Variants in ARHGEF2 observed in about 807,000 individuals in gnomAD.
ARHGEF2 encodes the protein Rho/Rac guanine nucleotide exchange factor 2.
A neutral mutation model predicts 121.0 loss-of-function variants in ARHGEF2; 22 were observed. The observed-to-expected ratio is 0.18, with a 90% CI of 0.13 to 0.26. ARHGEF2 has a LOEUF of 0.26. Ranked by LOEUF, ARHGEF2 falls within the 10% of genes least tolerant of loss-of-function variation. The pLI, the probability that ARHGEF2 is intolerant of heterozygous loss-of-function variation, is 1.00. For missense variants in ARHGEF2, 907 were observed against 1,336.0 expected, an observed-to-expected ratio of 0.68 and a Z score of 5.01; for synonymous variants, 487 against 530.0, an observed-to-expected ratio of 0.92 and a Z score of 1.11.
At chr1:155,957,304 G>A (rs561000002) in intron 13 of ARHGEF2, among the ~76,000 whole-genome samples, 20 of 152,158 alleles carry the variant, frequency 1.3e-4, no homozygotes, top group Non-Finnish European at 2.6e-4. Context: ...TTCCTCTCTA[G>A]TATCGATGCT....
chr1:155,962,558 G>A lies in ARHGEF2; in HGVS notation c.1101+35C>T, dbSNP rs759599786. On this transcript the variant is annotated intron_variant, in intron 9 of 21. Transcript: ENST00000361247. The surrounding 1 kb of genome is among the most constrained non-coding windows in gnomAD (Gnocchi z 5.8). ...CCATGAGTTGGGGAGGGTGGGTTTG[G>A]GCCATGAGCATGGGATCTGGAGAGG... is the stretch of plus-strand genomic sequence containing the variant. 1 of 1,610,280 alleles carries A rather than the reference G, an allele frequency of 6.2e-7. No homozygotes were observed. Among genetic ancestry groups the A allele is most frequent in the Non-Finnish European group, 8.5e-7 (1 of 1,178,832 alleles).
Position 155,950,526 on chromosome 1 carries a change from A to T in ARHGEF2, c.2704-44T>A. ...AAGAACAGCAGGTCAGGGACTGAGT[A>T]GTGTGAAGATTGGAGGTTCTGCTTG... is the stretch of plus-strand genomic sequence containing the variant. On this transcript the variant is annotated intron_variant, in intron 20 of 21. Coordinates refer to ENST00000361247, the MANE Select transcript of ARHGEF2 (RefSeq NM_001162383.2). This position sits in a 1 kb window ranked among gnomAD's most constrained non-coding sequence, Gnocchi z 5.2. 2 of 1,591,102 alleles carry T rather than the reference A, an allele frequency of 1.3e-6. No individual in the cohort carries two copies. The highest frequency in any genetic ancestry group is 2.7e-5 in the African/African-American group (2 of 74,656).
chr1:155,978,335 C>A lies in ARHGEF2; in HGVS notation c.63+30G>T, dbSNP rs1388549990. The A allele has an allele frequency of 6.7e-7, 1 of 1,491,554 alleles. No individual in the cohort carries two copies. The highest frequency in any genetic ancestry group is 9.0e-7 in the Non-Finnish European group (1 of 1,106,450). The allele number at this position is 1,491,554 out of a possible 1,614,324, so 92.4% of individuals were successfully genotyped here. On this transcript the variant is annotated intron_variant, in intron 1 of 21. Transcript: ENST00000361247. This position sits in a 1 kb window ranked among gnomAD's most constrained non-coding sequence, Gnocchi z 4.1. ...GGGTTCGGGGAGCACCCGAGGACCG[C>A]GGCGAAAGGAGAGGGGTTTCCGAGC...
Position 155,956,379 on chromosome 1 carries a change from G to A in ARHGEF2, c.1715+1334C>T, listed in dbSNP as rs1205625365. ...CTCTCAAAGTGCCGGGATTACAGGC[G>A]TGAGCCACTGTGCCTGGCCTGCAAT... On this transcript the variant is annotated intron_variant, in intron 13 of 21. Coordinates refer to ENST00000361247, the MANE Select transcript of ARHGEF2 (RefSeq NM_001162383.2). Among the ~76,000 whole-genome samples, 3 of 151,826 alleles carry A rather than the reference G, an allele frequency of 2.0e-5. No homozygotes were observed. In the East Asian group the frequency reaches 5.8e-4, roughly 29 times the overall value.
At chr1:155,979,403 G>A, upstream of ARHGEF2, 3 of 874,726 alleles carry the variant, frequency 3.4e-6, no homozygotes, top group Non-Finnish European at 4.1e-6. Context: ...AGCAGGGTAA[G>A]GTGGGGCATT....
intron 1 of ARHGEF2, 90 bp from the exon 2 acceptor site, chr1:155,969,390 G>GA (rs1481073727): frequency 1.3e-6 from 2 of 1,559,784 alleles, no homozygotes; most frequent in African/African-American, 1.4e-5. Context: ...CAGAGGCAAG[G>GA]AAAAAATGCC....
intron 13 of ARHGEF2, among the ~76,000 whole-genome samples, chr1:155,956,887 CAAAAAAAAA>C (rs34831517): frequency 1.2e-5 from 1 of 80,432 alleles, no homozygotes; most frequent in Admixed American, 1.5e-4. Context: ...ACTCTGTCTC[CAAAAAAAAA>C]AAAAAAAAAA....
At chr1:155,967,611 C>T (rs988811417) in intron 2 of ARHGEF2, among the ~76,000 whole-genome samples, 1 of 152,168 alleles carries the variant, frequency 6.6e-6, no homozygotes, top group African/African-American at 2.4e-5. Context: ...CCCCACCAAG[C>T]CTGGCCTTCT....
intron 11 of ARHGEF2, among the ~76,000 whole-genome samples, chr1:155,958,708 T>C (rs1677210752): frequency 6.6e-6 from 1 of 151,632 alleles, no homozygotes; most frequent in African/African-American, 2.4e-5. Flanking sequence ...CCCAAGGAGC[T>C]GGGACTACTA....
chr1:155,970,146 T>G, intron 1 of ARHGEF2: 2 of 985,390 alleles, frequency 2.0e-6, no homozygotes, highest in Non-Finnish European at 2.4e-6. Flanking sequence ...CCTCTATTGC[T>G]CCTTACCCAA....
intron 2 of ARHGEF2, chr1:155,968,141 C>T (rs1679795056): frequency 6.6e-6 from 1 of 152,062 alleles, no homozygotes; most frequent in Non-Finnish European, 1.5e-5. Context: ...CCTCCTCATC[C>T]TCACAACTCT....
chr1:155,958,210 T>A (rs1263010769), intron 12 of ARHGEF2, 110 bp downstream of exon 12: 2 of 813,938 alleles, frequency 2.5e-6, no homozygotes, highest in Non-Finnish European at 4.1e-6. Context: ...GTAACAATTA[T>A]AGCTGTTTGA....
Position 155,962,326 on chromosome 1 carries a change from T to G in ARHGEF2, c.1102-104A>C, listed in dbSNP as rs1212799765. 2.5e-6 allele frequency: 3 copies of G among 1,219,016 alleles called. No individual in the cohort carries two copies. The highest frequency in any genetic ancestry group is 3.5e-6 in the Non-Finnish European group (3 of 857,040). 75.5% of individuals were successfully genotyped at this position (1,219,016 alleles called of 1,614,324 possible). On this transcript the variant is annotated intron_variant, in intron 9 of 21. Coordinates refer to ENST00000361247, the MANE Select transcript of ARHGEF2 (RefSeq NM_001162383.2). The surrounding 1 kb of genome is among the most constrained non-coding windows in gnomAD (Gnocchi z 5.8). ...CTGGCGTGGCCATTTACCTCATGCT[T>G]GCCTAGGTGACATATCTGGAAAATG...
intron 1 of ARHGEF2, among the ~76,000 whole-genome samples, chr1:155,977,883 C>T (rs1164204448): frequency 6.6e-6 from 1 of 152,216 alleles, no homozygotes; most frequent in Admixed American, 6.5e-5. Context: ...GAAACCACCC[C>T]CTCCCGTCCC....
chr1:155,965,558 G>T lies in ARHGEF2; in HGVS notation c.470+73C>A. 1 of 1,609,052 alleles carries T rather than the reference G, an allele frequency of 6.2e-7. No homozygotes were observed. Among genetic ancestry groups the T allele is most frequent in the Admixed American group, 1.7e-5 (1 of 59,176 alleles). ...ACAGTTCTGAACTCAGGGATGGAAAGGGACCTCTCAGCACCCCCTTGGCCT... is the reference window on the plus strand; with the variant it reads ...ACAGTTCTGAACTCAGGGATGGAAATGGACCTCTCAGCACCCCCTTGGCCT... On this transcript the variant is annotated intron_variant, in intron 5 of 21. Transcript: ENST00000361247. The surrounding 1 kb of genome is among the most constrained non-coding windows in gnomAD (Gnocchi z 6.0).
At chr1:155,964,158 A>T (rs1678626678) in intron 7 of ARHGEF2, among the ~76,000 whole-genome samples, 4 of 93,476 alleles carry the variant, frequency 4.3e-5, no homozygotes, top group Non-Finnish European at 7.8e-5. Context: ...AAAAAAAAAA[A>T]AAAAAAAAAA....
chr1:155,947,874 G>T lies in ARHGEF2; in HGVS notation c.*68C>A. 1 of 903,472 alleles carries T rather than the reference G, an allele frequency of 1.1e-6. No homozygotes were observed. The highest frequency in any genetic ancestry group is 1.7e-5 in the African/African-American group (1 of 58,916). 56.0% of individuals were successfully genotyped at this position (903,472 alleles called of 1,614,324 possible). ...ATGTTCCCTCATCATTGGCAAATTG[G>T]AGTCCCCAAGGTTAGCCCCCTCAGT... On this transcript the variant is annotated 3_prime_UTR_variant, in exon 22 of 22. Coordinates refer to ENST00000361247, the MANE Select transcript of ARHGEF2 (RefSeq NM_001162383.2).
Position 155,961,984 on chromosome 1 carries a change from C to G in ARHGEF2, c.1220-75G>C. ...CCCCAGTTCCCATCGTGTCTTGATTCCACCTTTAGAGGCTGCCCAGGGTTT... is the reference window on the plus strand; with the variant it reads ...CCCCAGTTCCCATCGTGTCTTGATTGCACCTTTAGAGGCTGCCCAGGGTTT... On this transcript the variant is annotated intron_variant, in intron 10 of 21. Transcript: ENST00000361247. The surrounding 1 kb of genome is among the most constrained non-coding windows in gnomAD (Gnocchi z 4.7). The G allele has an allele frequency of 1.2e-6, 2 of 1,604,102 alleles. No homozygotes were observed. The highest frequency in any genetic ancestry group is 1.7e-6 in the Non-Finnish European group (2 of 1,173,296).
chr1:155,962,770 T>A lies in ARHGEF2; in HGVS notation c.976-52A>T, dbSNP rs202155401. 1.1e-4 allele frequency: 176 copies of A among 1,611,226 alleles called. No homozygotes were observed. The highest frequency in any genetic ancestry group is 3.3e-4 in the Middle Eastern group (2 of 6,074). On this transcript the variant is annotated intron_variant, in intron 8 of 21. Coordinates refer to ENST00000361247, the MANE Select transcript of ARHGEF2 (RefSeq NM_001162383.2). This position sits in a 1 kb window ranked among gnomAD's most constrained non-coding sequence, Gnocchi z 5.8. ...TCAGCATTCCCCCAAAGCCACACTT[T>A]ACCCACTGGACACACCTCTGGCCTC...
Sources: gnomAD v4.1 joint callset for allele counts (sites outside exome capture counted in the v4.1 genomes callset) on GRCh38, gnomAD v4.1.1 for gene constraint, Gnocchi (gnomAD v3.1) non-coding constraint, MANE v1.5 for transcripts, NCBI Gene and HGNC (gene_info 2026-07-23, HGNC 2026-07-21) for gene names.